Variants in TTC12 observed in about 807,000 individuals in gnomAD.
TTC12 encodes the protein tetratricopeptide repeat protein 12.
A neutral mutation model predicts 90.1 loss-of-function variants in TTC12; 70 were observed. The ratio of observed to expected loss-of-function variants is 0.78; its 90% CI spans 0.64 to 0.95. The LOEUF is 0.95. Among genes scored for constraint, TTC12 ranks in the 40% least tolerant of loss-of-function variants. The probability of loss-of-function intolerance (pLI) is 0.00; values close to 1 mark genes in which losing one functional copy is unlikely to be tolerated. For missense variants in TTC12, 819 were observed against 846.1 expected, an observed-to-expected ratio of 0.97 and a Z score of 0.40; for synonymous variants, 296 against 311.5, an observed-to-expected ratio of 0.95 and a Z score of 0.53.
rs111846145 is a variant in TTC12, at chr11:113,352,309, T to C, written c.1446+102T>C. The C allele has an allele frequency of 9.5e-4, 1,416 of 1,492,990 alleles. 9 individuals carry two copies. In the African/African-American group the frequency reaches 0.017, roughly 18 times the overall value. 92.5% of individuals were successfully genotyped at this position (1,492,990 alleles called of 1,614,324 possible). ...TCCAAAAATTCTGTTTCTGTGGGTGTTGGATGGCGCCAGTTGGCTTATCCC... is the reference window on the plus strand; with the variant it reads ...TCCAAAAATTCTGTTTCTGTGGGTGCTGGATGGCGCCAGTTGGCTTATCCC... On this transcript the variant is annotated intron_variant, in intron 16 of 21. Coordinates refer to ENST00000529221, the MANE Select transcript of TTC12 (RefSeq NM_017868.4).
At chr11:113,344,547 A>G in intron 13 of TTC12, 107 bp downstream of exon 13, 1 of 1,191,298 alleles carries the variant, frequency 8.4e-7, no homozygotes, top group Non-Finnish European at 1.2e-6. Flanking sequence ...TTGAAGGATC[A>G]ATAACAGAAA....
Position 113,344,400 on chromosome 11 carries a change from A to C in TTC12, c.1114A>C (p.Ser372Arg). ...GCTGCTGCATCTCGCCCAGACTGAG[A>C]GCGGACGGAGCCTGATCATCAACCA... Reference protein sequence around the residue: ...ALLLHLAQTESGRSLIINHLD... With the variant: ...ALLLHLAQTERGRSLIINHLD... Residue 372 changes from serine (S) to arginine (R), a missense_variant, in exon 13 of 22, where the codon AGC becomes CGC. Ser to Arg is a moderately radical substitution (Grantham distance 110). Coordinates refer to ENST00000529221, the MANE Select transcript of TTC12 (RefSeq NM_017868.4). 6.2e-7 allele frequency: 1 copy of C among 1,614,108 alleles called. No individual in the cohort carries two copies. Among genetic ancestry groups the C allele is most frequent in the African/African-American group, 1.3e-5 (1 of 75,046 alleles).
chr11:113,329,658 C>A, intron 6 of TTC12: 1 of 562,422 alleles, frequency 1.8e-6, no homozygotes, highest in Non-Finnish European at 3.4e-6. Flanking sequence ...TAATGGCTGT[C>A]CACTGTTGCT....
chr11:113,323,456 C>A lies in TTC12; in HGVS notation c.222+5C>A. ...CCTCCACAAACTGCTATGAAGGTTT[C>A]TTTTTCTATTGAGAAGTTATATAAG... On this transcript the variant is annotated splice_donor_5th_base_variant and intron_variant, in intron 3 of 21. Transcript: ENST00000529221. 6.4e-7 allele frequency: 1 copy of A among 1,559,232 alleles called. No homozygotes were observed. The highest frequency in any genetic ancestry group is 8.6e-7 in the Non-Finnish European group (1 of 1,158,886).
intron 2 of TTC12, among the ~76,000 whole-genome samples, chr11:113,317,580 T>C (rs1555136258): frequency 1.5e-4 from 23 of 152,146 alleles, no homozygotes; most frequent in South Asian, 2.1e-4. Context: ...GTATCTAAAA[T>C]GCAAATCTGA....
chr11:113,366,056 C>T (rs1950187907), intron 21 of TTC12, among the ~76,000 whole-genome samples, 169 bp from the exon 22 acceptor site: 1 of 152,162 alleles, frequency 6.6e-6, no homozygotes, highest in Non-Finnish European at 1.5e-5. Flanking sequence ...GTCTTACTTA[C>T]CCCTGTGATC....
At chr11:113,325,194 G>C in intron 5 of TTC12, among the ~76,000 whole-genome samples, 1 of 152,058 alleles carries the variant, frequency 6.6e-6, no homozygotes, top group African/African-American at 2.4e-5. Context: ...TTCCATATTT[G>C]TTGGGAAAAT....
chr11:113,351,106 TGG>T, intron 14 of TTC12, 131 bp from the exon 15 acceptor site: 1 of 682,310 alleles, frequency 1.5e-6, no homozygotes, highest in Admixed American at 2.9e-5. Context: ...TTTCTTTTTT[TGG>T]TTCTGAATTG....
rs150302037 is a variant in TTC12 at position 113,319,734 on chromosome 11, A to T, written c.58+3419A>T. Among the ~76,000 whole-genome samples the T allele has an allele frequency of 2.0e-3, 311 of 152,186 alleles. 2 individuals carry two copies. Among genetic ancestry groups the T allele is most frequent in the African/African-American group, 7.2e-3 (299 of 41,564 alleles). On this transcript the variant is annotated intron_variant, in intron 2 of 21. Transcript: ENST00000529221. ...ACCTGACATTCAAGATTTATTATAA[A>T]GCCATAGTAATCAATGCATGGAGGT...
At chr11:113,371,229 G>A (rs1950377336), downstream of TTC12, among the ~76,000 whole-genome samples, 1 of 151,998 alleles carries the variant, frequency 6.6e-6, no homozygotes, top group African/African-American at 2.4e-5. Flanking sequence ...GGATGCTCAG[G>A]TCCCCTATAT....
intron 4 of TTC12, 68 bp downstream of exon 4, chr11:113,324,083 C>G: frequency 7.8e-7 from 1 of 1,281,684 alleles, no homozygotes; most frequent in South Asian, 1.3e-5. Flanking sequence ...GATTGTAGCT[C>G]CCAGACCCTT....
At chr11:113,335,110 C>T in intron 8 of TTC12, 73 bp downstream of exon 8, 1 of 1,074,420 alleles carries the variant, frequency 9.3e-7, no homozygotes, top group Admixed American at 1.7e-5. Flanking sequence ...AGAGGAGAAC[C>T]ATGATTCTCC....
chr11:113,350,811 G>A (rs939442004), intron 14 of TTC12, among the ~76,000 whole-genome samples: 4 of 152,248 alleles, frequency 2.6e-5, no homozygotes, highest in Admixed American at 1.3e-4. Context: ...GGCACGGGCC[G>A]GGGTATGGAA....
intron 21 of TTC12, among the ~76,000 whole-genome samples, chr11:113,372,724 C>T (rs1362737458): frequency 6.6e-6 from 1 of 152,142 alleles, no homozygotes; most frequent in East Asian, 1.9e-4. Flanking sequence ...GGCCTTTGCA[C>T]ATAAACCATC....
intron 2 of TTC12, among the ~76,000 whole-genome samples, chr11:113,318,490 T>A (rs1555136757): frequency 6.6e-6 from 1 of 152,206 alleles, no homozygotes; most frequent in East Asian, 1.9e-4. Flanking sequence ...ATATTTGGTG[T>A]TTCTCTTCTT....
rs1555143569 is a variant in TTC12, at chr11:113,334,966, T to A, written c.505T>A (p.Cys169Ser). Residue 169 changes from cysteine (C) to serine (S), a missense_variant and splice_region_variant, in exon 8 of 22, where the codon TGT (cysteine) becomes AGT (serine). By Grantham distance (112) the Cys-to-Ser change is moderately radical. Transcript: ENST00000529221. ...ALVDCEWALKCDEKCTKAYFH... is the reference protein window; with the variant it reads ...ALVDCEWALKSDEKCTKAYFH... ...TGATCAGTCATTCTCTTTTATGCAG[T>A]GTGATGAAAAATGCACAAAAGCATA... 6 of 1,613,170 alleles carry A rather than the reference T, an allele frequency of 3.7e-6. No individual in the cohort carries two copies. The African/African-American group carries it at 6.7e-5, about 18-fold the overall frequency.
chr11:113,352,871 G>A (rs564628502), intron 16 of TTC12, among the ~76,000 whole-genome samples: 146 of 152,292 alleles, frequency 9.6e-4, no homozygotes, highest in African/African-American at 3.2e-3. Context: ...CATTTAGGTT[G>A]ATTCCATGTC....
chr11:113,325,168 C>T (rs1199045423), intron 5 of TTC12, among the ~76,000 whole-genome samples: 3 of 152,072 alleles, frequency 2.0e-5, no homozygotes, highest in Admixed American at 6.5e-5. Context: ...GCTGTGTGTG[C>T]TGCAGGTCTG....
chr11:113,343,439 G>A (rs1016396365), intron 12 of TTC12, among the ~76,000 whole-genome samples: 1 of 152,208 alleles, frequency 6.6e-6, no homozygotes, highest in Non-Finnish European at 1.5e-5. Context: ...TGTTTGCAAC[G>A]AAAACATGGT....
Sources: allele counts gnomAD v4.1 joint callset (sites outside exome capture counted in the v4.1 genomes callset), GRCh38; gene constraint gnomAD v4.1.1; transcripts MANE v1.5; gene names NCBI Gene and HGNC (gene_info 2026-07-23, HGNC 2026-07-21).